PFKFB1: variants seen among roughly 807,000 people sequenced by gnomAD.
PFKFB1 encodes the protein 6-phosphofructo-2-kinase/fructose-2,6-biphosphatase 1.
PFKFB1 carries 34 observed loss-of-function variants against 46.4 expected under a neutral mutation model. That is an observed-to-expected ratio of 0.73 (90% CI 0.56 to 0.98). The LOEUF (loss-of-function observed/expected upper bound fraction) is 0.98. PFKFB1 is among the 50% of genes least tolerant of loss of function. PFKFB1 has a pLI of 0.00. For missense variants in PFKFB1, 393 were observed against 376.3 expected (o/e 1.04, Z -0.37); for synonymous variants, 119 against 133.8 (o/e 0.89, Z 0.76).
chrX:54,995,520 A>G (rs1295405160), upstream of PFKFB1, among the ~76,000 whole-genome samples: 1 of 112,476 alleles, frequency 8.9e-6, no homozygotes, highest in African/African-American at 3.2e-5. Flanking sequence ...ATAGCAGATC[A>G]TGATGGTTAA....
intron 6 of PFKFB1, 128 bp from the exon 7 acceptor site, chrX:54,956,402 G>T: frequency 1.2e-6 from 1 of 809,495 alleles, no homozygotes; most frequent in Non-Finnish European, 1.7e-6. Context: ...GAGACCTGGA[G>T]AACACATCTT....
chrX:54,988,839 C>T (rs1040016971), intron 1 of PFKFB1, among the ~76,000 whole-genome samples: 2 of 111,877 alleles, frequency 1.8e-5, no homozygotes, highest in African/African-American at 6.5e-5. Context: ...AATATTAACT[C>T]AGAATAAATT....
At chrX:54,969,753 G>A (rs1934589469) in intron 1 of PFKFB1, among the ~76,000 whole-genome samples, 1 of 111,239 alleles carries the variant, frequency 9.0e-6, no homozygotes, top group Non-Finnish European at 1.9e-5. Context: ...CCACTCTCAC[G>A]ACTCCCATTC....
chrX:54,940,755 T>G (rs1041676561), intron 10 of PFKFB1, among the ~76,000 whole-genome samples: 7 of 111,498 alleles, frequency 6.3e-5, no homozygotes, highest in African/African-American at 2.3e-4. Flanking sequence ...TACAAACAAA[T>G]GGAAGAACAT....
At chrX:54,939,321 C>A (rs1336315722) in intron 10 of PFKFB1, among the ~76,000 whole-genome samples, 3 of 111,701 alleles carry the variant, frequency 2.7e-5, no homozygotes, top group Non-Finnish European at 5.6e-5. Flanking sequence ...CCTAACATCA[C>A]AACTGAAAGA....
At chrX:54,968,580 G>A (rs1461106949) in intron 1 of PFKFB1, among the ~76,000 whole-genome samples, 2 of 111,281 alleles carry the variant, frequency 1.8e-5, no homozygotes, top group African/African-American at 6.5e-5. Flanking sequence ...AATGACAAGA[G>A]TATATAATAG....
chrX:54,955,467 G>A (rs1243044469), intron 7 of PFKFB1, among the ~76,000 whole-genome samples: 1 of 108,523 alleles, frequency 9.2e-6, no homozygotes, highest in African/African-American at 3.6e-5. Context: ...TTGGTATGAT[G>A]ACAGAACATT....
At chrX:54,992,354 G>A (rs765817890) in intron 1 of PFKFB1, among the ~76,000 whole-genome samples, 38 of 112,084 alleles carry the variant, frequency 3.4e-4, no homozygotes, top group Non-Finnish European at 6.6e-4. Flanking sequence ...CACATCCCAT[G>A]CTCCAGTTCA....
At chrX:54,960,546 A>G (rs1196902277) in intron 3 of PFKFB1, among the ~76,000 whole-genome samples, 3 of 112,239 alleles carry the variant, frequency 2.7e-5, no homozygotes, top group Non-Finnish European at 5.6e-5. Context: ...GGTTCTTGAT[A>G]AGTGGATGGT....
intron 1 of PFKFB1, among the ~76,000 whole-genome samples, chrX:54,977,326 A>G (rs770220209): frequency 9.0e-6 from 1 of 110,945 alleles, no homozygotes; most frequent in East Asian, 2.8e-4. Context: ...TAGACACTGT[A>G]CTCTAATTGA....
rs1934648676 is a variant in PFKFB1, at chrX:54,971,348, C to A, written c.98-7966G>T. On this transcript the variant is annotated intron_variant, in intron 1 of 13. Transcript: ENST00000375006. ...CAGAAGCTCTTGAGTTTAATTAGAT[C>A]CCATTTGTCAATTTTGGCTTTTGTT... is the stretch of plus-strand genomic sequence containing the variant. 4.0e-5 allele frequency among the ~76,000 whole-genome samples: 4 copies of A among 98,945 alleles called. No individual in the cohort carries two copies. The Admixed American group carries it at 4.5e-4, about 11-fold the overall frequency. The allele number at this position is 98,945 out of a possible 115,157, so 85.9% of individuals were successfully genotyped here.
intron 1 of PFKFB1, among the ~76,000 whole-genome samples, chrX:54,986,458 A>T (rs952926908): frequency 2.7e-5 from 3 of 112,533 alleles, no homozygotes; most frequent in African/African-American, 9.7e-5. Context: ...GACATTCAAT[A>T]ATGACAAAAG....
At chrX:54,934,224 T>C (rs1356724210) in intron 12 of PFKFB1, among the ~76,000 whole-genome samples, 2 of 112,087 alleles carry the variant, frequency 1.8e-5, no homozygotes, top group Admixed American at 9.4e-5. Flanking sequence ...CTCATCTATG[T>C]AATATTGATG....
chrX:54,997,505 A>G (rs939227920), upstream of PFKFB1, among the ~76,000 whole-genome samples: 1 of 111,903 alleles, frequency 8.9e-6, no homozygotes, highest in African/African-American at 3.3e-5. Context: ...GGGCATGTGT[A>G]TCGGGGGAGA....
chrX:54,940,104 C>T (rs868207874), intron 10 of PFKFB1, among the ~76,000 whole-genome samples: 99 of 111,864 alleles, frequency 8.9e-4, no homozygotes, highest in African/African-American at 3.1e-3. Context: ...AATCAATAAA[C>T]ATAATCCAGC....
At chrX:54,998,708 G>A (rs1935390917), upstream of PFKFB1, among the ~76,000 whole-genome samples, 1 of 112,640 alleles carries the variant, frequency 8.9e-6, no homozygotes, top group Non-Finnish European at 1.9e-5. Flanking sequence ...AGCCACTGCA[G>A]AATGGGGAAA....
chrX:54,959,933 C>A, intron 3 of PFKFB1, 40 bp from the exon 4 acceptor site: 1 of 969,342 alleles, frequency 1.0e-6, no homozygotes, highest in Non-Finnish European at 1.5e-6. Context: ...AACCCTTATC[C>A]CCCAGGATGG....
At chrX:54,972,471 G>T (rs1934701518) in intron 1 of PFKFB1, among the ~76,000 whole-genome samples, 1 of 110,595 alleles carries the variant, frequency 9.0e-6, no homozygotes, top group Admixed American at 9.6e-5. Flanking sequence ...TATTGGCTGT[G>T]GGTTTGTCAT....
At chrX:54,988,182 A>G (rs1173506754) in intron 1 of PFKFB1, among the ~76,000 whole-genome samples, 9 of 111,786 alleles carry the variant, frequency 8.1e-5, no homozygotes, top group Non-Finnish European at 1.1e-4. Flanking sequence ...AATCAATTAC[A>G]TTTCTATAAA....
Sources: allele counts gnomAD v4.1 joint callset (sites outside exome capture counted in the v4.1 genomes callset), GRCh38; gene constraint gnomAD v4.1.1; transcripts MANE v1.5; gene names NCBI Gene and HGNC (gene_info 2026-07-23, HGNC 2026-07-21).